GPR15LG: variants seen among roughly 807,000 people sequenced by gnomAD.
GPR15LG encodes the protein G protein-coupled receptor 15 ligand, also known as protein GPR15LG.
At chr10:84,173,883 G>C in the GPR15LG span, 1 of 1,613,844 alleles carries the variant, frequency 6.2e-7, no homozygotes, top group East Asian at 2.2e-5. Context: ...AGCCTGCTCT[G>C]TATCCTGCTT....
At chr10:84,177,287 A>G in the GPR15LG span, among the ~76,000 whole-genome samples, 2 of 152,238 alleles carry the variant, frequency 1.3e-5, no homozygotes, top group Non-Finnish European at 2.9e-5. Flanking sequence ...CTGCAGGCCC[A>G]GAGCAGATAT....
chr10:84,179,512 C>T, the GPR15LG span, among the ~76,000 whole-genome samples: 5 of 152,290 alleles, frequency 3.3e-5, no homozygotes, highest in Non-Finnish European at 2.9e-5. Context: ...GTGTAAGCAA[C>T]GCCAGGATTG....
chr10:84,176,328 C>T, the GPR15LG span: 4 of 671,132 alleles, frequency 6.0e-6, no homozygotes, highest in African/African-American at 7.2e-5. Context: ...TAAATCACAA[C>T]AAGGCCCACT....
At chr10:84,180,167 G>A in the GPR15LG span, among the ~76,000 whole-genome samples, 6 of 152,226 alleles carry the variant, frequency 3.9e-5, no homozygotes, top group African/African-American at 1.4e-4. Flanking sequence ...AGTGGACACA[G>A]CACATGTTTC....
At chr10:84,174,384 G>A in the GPR15LG span, among the ~76,000 whole-genome samples, 4 of 152,050 alleles carry the variant, frequency 2.6e-5, no homozygotes, top group African/African-American at 7.2e-5. Flanking sequence ...CTGAAATGAA[G>A]GTGTGTGTGG....
chr10:84,178,034 C>T, the GPR15LG span, among the ~76,000 whole-genome samples: 93 of 151,838 alleles, frequency 6.1e-4, 1 homozygote, highest in African/African-American at 1.7e-3. Context: ...CAAATACATG[C>T]GCACACAGAC....
the GPR15LG span, among the ~76,000 whole-genome samples, chr10:84,182,356 A>G: frequency 1.3e-5 from 2 of 152,242 alleles, no homozygotes; most frequent in Non-Finnish European, 2.9e-5. Context: ...TCCCAATTTT[A>G]GTGACCCAAA....
chr10:84,177,349 T>C, the GPR15LG span, among the ~76,000 whole-genome samples: 2 of 152,058 alleles, frequency 1.3e-5, no homozygotes, highest in African/African-American at 4.8e-5. Context: ...GGAGCTTGGG[T>C]AGGGCAGGCA....
the GPR15LG span, among the ~76,000 whole-genome samples, chr10:84,176,932 G>A: frequency 0.097 from 14,823 of 152,170 alleles, 867 homozygotes; most frequent in Non-Finnish European, 0.13. Context: ...GAGGCAGCAA[G>A]GGTGAAGGGC....
chr10:84,185,022 T>A, the GPR15LG span: 2 of 1,323,936 alleles, frequency 1.5e-6, no homozygotes, highest in African/African-American at 1.5e-5. Flanking sequence ...GCCTCTCCAG[T>A]GCAAACCACC....
At chr10:84,176,356 C>A in the GPR15LG span, 3 of 744,630 alleles carry the variant, frequency 4.0e-6, no homozygotes, top group African/African-American at 5.2e-5. Context: ...TAGGACCTCT[C>A]GTAGCCTGGC....
the GPR15LG span, among the ~76,000 whole-genome samples, chr10:84,179,175 G>C: frequency 6.6e-6 from 1 of 152,358 alleles, no homozygotes; most frequent in East Asian, 1.9e-4. Flanking sequence ...AAGTCACCCA[G>C]CACTGCTAAG....
the GPR15LG span, chr10:84,184,891 C>T: frequency 9.3e-6 from 14 of 1,505,386 alleles, no homozygotes; most frequent in African/African-American, 1.3e-4. Context: ...GGCTTCATCT[C>T]GGGCTGCAAG....
chr10:84,174,487 C>CTTTTTTTTT, the GPR15LG span, among the ~76,000 whole-genome samples: 79 of 108,842 alleles, frequency 7.3e-4, no homozygotes, highest in Middle Eastern at 5.7e-3. Context: ...GCCCTTTTTT[C>CTTTTTTTTT]TTTTTTCTTT....
the GPR15LG span, chr10:84,173,931 C>G: frequency 6.3e-7 from 1 of 1,595,732 alleles, no homozygotes; most frequent in Non-Finnish European, 8.6e-7. Context: ...GGTAGGGCAG[C>G]CCCCAGGGTG....
the GPR15LG span, chr10:84,173,994 T>C: frequency 2.5e-6 from 3 of 1,223,898 alleles, no homozygotes; most frequent in African/African-American, 3.0e-5. Flanking sequence ...CAGGATTTGT[T>C]GGAGGGCAGG....
chr10:84,181,663 C>T, the GPR15LG span, among the ~76,000 whole-genome samples: 1 of 151,794 alleles, frequency 6.6e-6, no homozygotes, highest in South Asian at 2.1e-4. Context: ...TCAAGCAACC[C>T]TCCTGCCTTG....
the GPR15LG span, among the ~76,000 whole-genome samples, chr10:84,180,759 G>A: frequency 5.9e-5 from 9 of 152,346 alleles, no homozygotes; most frequent in East Asian, 1.9e-4. Flanking sequence ...AGGTTGTAGC[G>A]AGCTGAGATC....
chr10:84,176,486 G>A, the GPR15LG span: 1 of 1,613,184 alleles, frequency 6.2e-7, no homozygotes, highest in South Asian at 1.1e-5. Flanking sequence ...TCAGGGAAGA[G>A]GCGTCCTGCC....
Sources: allele counts gnomAD v4.1 joint callset (sites outside exome capture counted in the v4.1 genomes callset), GRCh38; gene constraint gnomAD v4.1.1; transcripts MANE v1.5; gene names NCBI Gene and HGNC (gene_info 2026-07-23, HGNC 2026-07-21).